The following TMEM163 variants were observed in gnomAD, a reference collection of about 807,000 sequenced individuals.
TMEM163 encodes transmembrane protein 163.
Under a neutral mutation model 29.3 loss-of-function variants are expected in TMEM163, and 17 were observed. The observed-to-expected ratio is 0.58, with a 90% CI of 0.40 to 0.87. The LOEUF (loss-of-function observed/expected upper bound fraction) is 0.87. TMEM163 is among the 40% of genes least tolerant of loss of function. The pLI is 0.00. For synonymous variants in TMEM163, 157 were observed against 160.6 expected (o/e 0.98, Z 0.17); for missense variants, 303 against 381.5 (o/e 0.79, Z 1.71).
intron 5 of TMEM163, among the ~76,000 whole-genome samples, chr2:134,480,787 G>A (rs555439526): frequency 4.6e-5 from 7 of 151,802 alleles, no homozygotes; most frequent in East Asian, 2.0e-4. Context: ...CATTGTGCTC[G>A]ACTAACACCC....
intron 2 of TMEM163, among the ~76,000 whole-genome samples, chr2:134,564,562 A>G (rs532019784): frequency 6.6e-6 from 1 of 152,360 alleles, no homozygotes; most frequent in East Asian, 1.9e-4. Flanking sequence ...TTCAAAGAGC[A>G]AAACAGCAAG....
chr2:134,534,590 A>G (rs918351351), intron 4 of TMEM163, among the ~76,000 whole-genome samples: 1 of 152,080 alleles, frequency 6.6e-6, no homozygotes, highest in African/African-American at 2.4e-5. Context: ...CGTCTCTACT[A>G]AAGATACCAA....
At position 134,506,744 on chromosome 2, in the gene TMEM163, T is replaced by C. The variant is rs955308533; in HGVS notation, c.459-3747A>G. Among the ~76,000 whole-genome samples, 10 of 152,230 alleles carry C rather than the reference T, an allele frequency of 6.6e-5. No homozygotes were observed. In the East Asian group the frequency reaches 1.7e-3, roughly 26 times the overall value. On this transcript the variant is annotated intron_variant, in intron 4 of 7. Coordinates refer to ENST00000281924, the MANE Select transcript of TMEM163 (RefSeq NM_030923.5). The stretch of plus-strand genomic sequence containing the variant: ...CTCCAGGATGCTGTGAAGATTTGAG[T>C]CAGGAGCAAACAGTGCAAATATGAC...
intron 2 of TMEM163, among the ~76,000 whole-genome samples, chr2:134,669,566 T>C (rs558313938): frequency 1.6e-4 from 24 of 152,332 alleles, no homozygotes; most frequent in Admixed American, 1.3e-3. Context: ...GTGGTTCCCA[T>C]TCCATGTGCA....
intron 2 of TMEM163, among the ~76,000 whole-genome samples, chr2:134,695,362 C>A (rs963514221): frequency 1.3e-5 from 2 of 151,826 alleles, no homozygotes; most frequent in African/African-American, 2.4e-5. Context: ...CAGGCGTGAG[C>A]CACCGTGCCC....
chr2:134,587,696 C>A (rs1462773922), intron 2 of TMEM163, among the ~76,000 whole-genome samples: 1 of 152,226 alleles, frequency 6.6e-6, no homozygotes, highest in Non-Finnish European at 1.5e-5. Flanking sequence ...GATCCAAAGG[C>A]TTCTGGCTGA....
chr2:134,682,275 T>C (rs532654753), intron 2 of TMEM163, among the ~76,000 whole-genome samples: 2 of 152,336 alleles, frequency 1.3e-5, no homozygotes, highest in South Asian at 4.1e-4. Context: ...AGGGGGATTT[T>C]CTCATACATT....
At chr2:134,584,574 A>G (rs1681767530) in intron 2 of TMEM163, among the ~76,000 whole-genome samples, 1 of 152,052 alleles carries the variant, frequency 6.6e-6, no homozygotes, top group Admixed American at 6.6e-5. Context: ...TGGAAGATAA[A>G]GTACCCAGAA....
Position 134,674,499 on chromosome 2 carries a change from G to A in TMEM163, c.322+38701C>T, listed in dbSNP as rs867466394. Among the ~76,000 whole-genome samples the A allele has an allele frequency of 1.8e-3, 156 of 88,012 alleles. 3 individuals carry two copies. In the East Asian group the frequency reaches 0.026, roughly 15 times the overall value. The allele number at this position is 88,012 out of a possible 152,430, so 57.7% of individuals were successfully genotyped here. A position where few individuals can be genotyped will look rare whatever the true frequency, so the allele number is the denominator to read the frequency against. On this transcript the variant is annotated intron_variant, in intron 2 of 7. Coordinates refer to ENST00000281924, the MANE Select transcript of TMEM163 (RefSeq NM_030923.5). The stretch of plus-strand genomic sequence containing the variant: ...GCTGGGACTACAGGCGCGCGCGCGC[G>A]CGCGCGCGCGCTACCATATCTGGCT...
At chr2:134,642,943 A>G (rs963338305) in intron 2 of TMEM163, among the ~76,000 whole-genome samples, 3 of 152,004 alleles carry the variant, frequency 2.0e-5, no homozygotes, top group African/African-American at 7.2e-5. Flanking sequence ...CTTAGTTTCT[A>G]CCCTACAAAA....
chr2:134,641,261 G>A (rs1333145077), intron 2 of TMEM163, among the ~76,000 whole-genome samples: 1 of 152,132 alleles, frequency 6.6e-6, no homozygotes, highest in East Asian at 1.9e-4. Context: ...TTAAAAAGTG[G>A]TGGTGGAATA....
chr2:134,664,939 T>G (rs1683839915), intron 2 of TMEM163, among the ~76,000 whole-genome samples: 1 of 152,110 alleles, frequency 6.6e-6, no homozygotes. Flanking sequence ...TGGAGTGCAG[T>G]AGTGCAGTCT....
intron 5 of TMEM163, among the ~76,000 whole-genome samples, chr2:134,493,014 G>C (rs542659522): frequency 6.6e-6 from 1 of 152,122 alleles, no homozygotes; most frequent in Non-Finnish European, 1.5e-5. Context: ...GTTTTGGGGG[G>C]TTTTCATTTG....
At chr2:134,466,081 C>T in intron 6 of TMEM163, 33 bp downstream of exon 6, 1 of 1,514,402 alleles carries the variant, frequency 6.6e-7, no homozygotes, top group Non-Finnish European at 9.1e-7. Flanking sequence ...GTGAGCCCAG[C>T]CCCCAGAGAT....
chr2:134,563,506 A>G (rs545184513), intron 2 of TMEM163, among the ~76,000 whole-genome samples: 13 of 152,372 alleles, frequency 8.5e-5, no homozygotes, highest in African/African-American at 3.1e-4. Context: ...TAATTTTTAA[A>G]AGGCTCTATT....
At chr2:134,529,636 C>T (rs1680377098) in intron 4 of TMEM163, among the ~76,000 whole-genome samples, 1 of 151,612 alleles carries the variant, frequency 6.6e-6, no homozygotes, top group Non-Finnish European at 1.5e-5. Flanking sequence ...ACCTGTAGTC[C>T]CAGCTACTTG....
intron 6 of TMEM163, 79 bp from the exon 7 acceptor site, chr2:134,458,252 AC>A: frequency 6.4e-7 from 1 of 1,551,562 alleles, no homozygotes; most frequent in Non-Finnish European, 8.8e-7. Flanking sequence ...TCCTGCCTCC[AC>A]GTAACTGGAG....
chr2:134,712,668 T>C (rs1055950391), intron 2 of TMEM163, among the ~76,000 whole-genome samples: 13 of 152,292 alleles, frequency 8.5e-5, no homozygotes, highest in African/African-American at 3.1e-4. Flanking sequence ...TTCCACTTCC[T>C]TAGTTTTTCT....
intron 5 of TMEM163, among the ~76,000 whole-genome samples, chr2:134,491,230 C>T: frequency 6.6e-6 from 1 of 152,172 alleles, no homozygotes; most frequent in African/African-American, 2.4e-5. Flanking sequence ...GTCCTGAATA[C>T]ACAGATGCCT....
Sources: allele counts gnomAD v4.1 joint callset (sites outside exome capture counted in the v4.1 genomes callset), GRCh38; gene constraint gnomAD v4.1.1; transcripts MANE v1.5; gene names NCBI Gene and HGNC (gene_info 2026-07-23, HGNC 2026-07-21).